The following SSPN variants were observed in gnomAD, a reference collection of about 807,000 sequenced individuals.
SSPN encodes the protein sarcospan.
A neutral mutation model predicts 19.1 loss-of-function variants in SSPN; 15 were observed. The observed-to-expected ratio is 0.78, with a 90% CI of 0.52 to 1.21. The LOEUF (loss-of-function observed/expected upper bound fraction) is 1.21. SSPN is among the 50% of genes most tolerant of loss of function. The probability of loss-of-function intolerance (pLI) is 0.00; values close to 1 mark genes in which losing one functional copy is unlikely to be tolerated. For missense variants in SSPN, 291 were observed against 314.0 expected (o/e 0.93, Z 0.55); for synonymous variants, 147 against 140.3 (o/e 1.05, Z -0.34).
intron 1 of SSPN, among the ~76,000 whole-genome samples, chr12:26,218,762 G>C (rs189388220): frequency 1.3e-5 from 2 of 152,226 alleles, no homozygotes; most frequent in Admixed American, 1.3e-4. Flanking sequence ...TAATTTTCTG[G>C]TCTATTATGT....
chr12:26,158,049 C>T (rs771055842), intron 1 of SSPN, among the ~76,000 whole-genome samples: 12 of 151,510 alleles, frequency 7.9e-5, no homozygotes, highest in Admixed American at 4.6e-4. Flanking sequence ...CTAGAAATGG[C>T]GAATAGGTTT....
chr12:26,225,749 A>T (rs1306180785), intron 2 of SSPN, among the ~76,000 whole-genome samples: 2 of 49,838 alleles, frequency 4.0e-5, no homozygotes, highest in Admixed American at 3.2e-4. Flanking sequence ...GGTGATTAAA[A>T]AAAAAAAAAA....
At chr12:26,126,872 CTTAAT>C (rs1270695324) in intron 1 of SSPN, among the ~76,000 whole-genome samples, 1 of 152,210 alleles carries the variant, frequency 6.6e-6, no homozygotes, top group Admixed American at 6.5e-5. Flanking sequence ...CACGATGGTT[CTTAAT>C]TTAAAAAGTA....
intron 1 of SSPN, among the ~76,000 whole-genome samples, chr12:26,151,442 C>A (rs568854661): frequency 1.3e-5 from 2 of 152,262 alleles, no homozygotes; most frequent in African/African-American, 4.8e-5. Flanking sequence ...ACAACTGCCC[C>A]CTTAAAATCC....
rs1170836752 is a variant in SSPN, at chr12:26,233,688, C to T, written c.*2612C>T. The T allele has an allele frequency of 6.6e-6, 1 of 152,170 alleles. No individual in the cohort carries two copies. The highest frequency in any genetic ancestry group is 1.5e-5 in the Non-Finnish European group (1 of 68,048). The allele number at this position is 152,170 out of a possible 1,614,324, so 9.4% of individuals were successfully genotyped here. ...ATGTTACATTTAAAATCTGACAAGG[C>T]GCCAAGATGGTGACTGTCTCCTCTA... On this transcript the variant is annotated 3_prime_UTR_variant, in exon 3 of 3. Transcript: ENST00000242729. This position sits in a 1 kb window ranked among gnomAD's most constrained non-coding sequence, Gnocchi z 4.3.
At chr12:26,178,008 G>A (rs1944695227) in intron 1 of SSPN, among the ~76,000 whole-genome samples, 1 of 152,198 alleles carries the variant, frequency 6.6e-6, no homozygotes, top group Non-Finnish European at 1.5e-5. Flanking sequence ...TATGGGTCAG[G>A]TCACCTGGGT....
intron 1 of SSPN, among the ~76,000 whole-genome samples, chr12:26,146,293 A>G (rs1944490063): frequency 6.6e-6 from 1 of 152,126 alleles, no homozygotes; most frequent in Admixed American, 6.5e-5. Context: ...GTGCAGATGG[A>G]TGGTTACACT....
intron 1 of SSPN, among the ~76,000 whole-genome samples, chr12:26,140,953 C>CT (rs1390743704): frequency 1.3e-5 from 2 of 152,238 alleles, no homozygotes; most frequent in African/African-American, 2.4e-5. Context: ...GCTCCTGCCA[C>CT]TTTTTTGCTT....
At chr12:26,178,530 G>A (rs964009246) in intron 1 of SSPN, among the ~76,000 whole-genome samples, 2 of 152,178 alleles carry the variant, frequency 1.3e-5, no homozygotes, top group African/African-American at 4.8e-5. Flanking sequence ...AAAGTAGAGA[G>A]GGGTGGGGAA....
intron 1 of SSPN, among the ~76,000 whole-genome samples, chr12:26,152,755 T>C (rs1175549825): frequency 6.6e-6 from 1 of 152,234 alleles, no homozygotes. Context: ...AAAATGTATG[T>C]ACCATATCAC....
At chr12:26,181,276 A>ACT (rs1944717342) in intron 1 of SSPN, 1 of 152,192 alleles carries the variant, frequency 6.6e-6, no homozygotes. Flanking sequence ...ACAGTTGGAA[A>ACT]AACTGTCATT....
intron 1 of SSPN, among the ~76,000 whole-genome samples, chr12:26,142,850 A>T (rs1431353628): frequency 6.6e-6 from 1 of 152,256 alleles, no homozygotes; most frequent in African/African-American, 2.4e-5. Flanking sequence ...GCTGTCATCT[A>T]CAGAAATGCC....
chr12:26,152,228 C>G (rs1944529938), intron 1 of SSPN, among the ~76,000 whole-genome samples: 1 of 152,132 alleles, frequency 6.6e-6, no homozygotes, highest in Non-Finnish European at 1.5e-5. Flanking sequence ...CCACTGCTTG[C>G]AGGAAAGATA....
chr12:26,126,355 G>C (rs1944364648), intron 1 of SSPN: 2 of 152,218 alleles, frequency 1.3e-5, no homozygotes, highest in African/African-American at 4.8e-5. Flanking sequence ...TAAAGACATA[G>C]AGAAAAAAAC....
chr12:26,136,728 C>A (rs1267277186), intron 1 of SSPN, among the ~76,000 whole-genome samples: 1 of 152,182 alleles, frequency 6.6e-6, no homozygotes, highest in East Asian at 1.9e-4. Flanking sequence ...GAAGGCCAGA[C>A]CTGTCAACGT....
intron 1 of SSPN, among the ~76,000 whole-genome samples, chr12:26,142,436 G>A (rs774253045): frequency 3.3e-5 from 5 of 152,132 alleles, no homozygotes; most frequent in Admixed American, 6.5e-5. Context: ...AATTTATTGC[G>A]TGAGTGAGAG....
upstream of SSPN, among the ~76,000 whole-genome samples, chr12:26,195,106 T>C (rs1282789877): frequency 1.3e-5 from 2 of 152,192 alleles, no homozygotes; most frequent in Admixed American, 1.3e-4. Flanking sequence ...ATTTGTCAGC[T>C]GGATTACAGA....
At chr12:26,206,985 A>G (rs1178111664) in intron 1 of SSPN, among the ~76,000 whole-genome samples, 1 of 152,182 alleles carries the variant, frequency 6.6e-6, no homozygotes, top group Admixed American at 6.5e-5. Context: ...ACACAGGTAC[A>G]ACTAACTGCA....
intron 1 of SSPN, among the ~76,000 whole-genome samples, chr12:26,183,464 A>T (rs1162964335): frequency 6.6e-6 from 1 of 152,216 alleles, no homozygotes; most frequent in Non-Finnish European, 1.5e-5. Context: ...TCAAAACTAA[A>T]TTCAATGAAT....
Sources: gnomAD v4.1 joint callset for allele counts (sites outside exome capture counted in the v4.1 genomes callset) on GRCh38, gnomAD v4.1.1 for gene constraint, Gnocchi (gnomAD v3.1) non-coding constraint, MANE v1.5 for transcripts, NCBI Gene and HGNC (gene_info 2026-07-23, HGNC 2026-07-21) for gene names.